Variants in RALYL observed in about 807,000 individuals in gnomAD.
The protein encoded by RALYL is RALY RNA binding protein like, also known as RNA-binding Raly-like protein.
RALYL carries 29 observed loss-of-function variants against 35.1 expected under a neutral mutation model. The ratio of observed to expected loss-of-function variants is 0.83; its 90% CI spans 0.61 to 1.13. RALYL has a LOEUF of 1.13. Ranked by LOEUF, RALYL falls within the 50% of genes most tolerant of loss-of-function variation. RALYL has a pLI of 0.00. For missense variants in RALYL, 359 were observed against 360.4 expected (o/e 1.00, Z 0.03); for synonymous variants, 120 against 127.6 (o/e 0.94, Z 0.40).
chr8:84,840,878 G>C (rs1037391483), intron 4 of RALYL, among the ~76,000 whole-genome samples: 10 of 152,124 alleles, frequency 6.6e-5, no homozygotes, highest in Admixed American at 6.5e-4. Context: ...AGCTTCATAA[G>C]TGAAGGAGAA....
intron 2 of RALYL, among the ~76,000 whole-genome samples, chr8:84,700,039 T>C (rs1839919544): frequency 6.6e-6 from 1 of 152,068 alleles, no homozygotes; most frequent in African/African-American, 2.4e-5. Context: ...GAAGATAGAA[T>C]TTCATTATCC....
chr8:84,874,651 C>T (rs566778419), intron 7 of RALYL, among the ~76,000 whole-genome samples: 1 of 152,296 alleles, frequency 6.6e-6, no homozygotes, highest in South Asian at 2.1e-4. Flanking sequence ...GTGAGCCATA[C>T]AGGGCTCAAG....
chr8:84,639,565 G>T (rs1825884767), intron 2 of RALYL, among the ~76,000 whole-genome samples: 3 of 151,928 alleles, frequency 2.0e-5, no homozygotes, highest in Admixed American at 1.3e-4. Context: ...AAGATAAGGG[G>T]TCCATTCAGT....
intron 1 of RALYL, among the ~76,000 whole-genome samples, chr8:84,399,117 T>A (rs183584131): frequency 4.9e-4 from 74 of 152,338 alleles, no homozygotes; most frequent in African/African-American, 1.7e-3. Flanking sequence ...GTAGTACTGC[T>A]TTCAGGCAAA....
chr8:84,785,103 A>G (rs1819078997), intron 3 of RALYL, among the ~76,000 whole-genome samples: 1 of 152,178 alleles, frequency 6.6e-6, no homozygotes, highest in South Asian at 2.1e-4. Context: ...CACATAGTTT[A>G]TGTAGAGTTT....
At chr8:84,220,564 A>G (rs753839867) in intron 1 of RALYL, among the ~76,000 whole-genome samples, 3 of 152,052 alleles carry the variant, frequency 2.0e-5, no homozygotes, top group Non-Finnish European at 4.4e-5. Context: ...GAAAAAACAT[A>G]ACCAATTTCC....
chr8:84,489,980 A>T (rs1220271434), intron 1 of RALYL, among the ~76,000 whole-genome samples: 1 of 152,006 alleles, frequency 6.6e-6, no homozygotes, highest in Non-Finnish European at 1.5e-5. Context: ...TTTTCTAAAG[A>T]TAAAGAATGA....
chr8:84,432,632 G>A (rs1474468703), intron 1 of RALYL, among the ~76,000 whole-genome samples: 1 of 152,056 alleles, frequency 6.6e-6, no homozygotes, highest in Admixed American at 6.6e-5. Flanking sequence ...TGGTGTCCTT[G>A]CTGATATAAT....
chr8:84,449,395 G>T (rs2049208322), intron 1 of RALYL, among the ~76,000 whole-genome samples: 1 of 152,022 alleles, frequency 6.6e-6, no homozygotes, highest in Non-Finnish European at 1.5e-5. Context: ...CTTGAGTGCT[G>T]CTTGCAAAGC....
intron 1 of RALYL, among the ~76,000 whole-genome samples, chr8:84,301,594 A>G (rs959760254): frequency 1.3e-5 from 2 of 150,750 alleles, no homozygotes; most frequent in African/African-American, 4.8e-5. Context: ...GAGAATTATG[A>G]TTGCTCTGTG....
At chr8:84,776,128 T>C (rs1229091647) in intron 3 of RALYL, among the ~76,000 whole-genome samples, 1 of 152,212 alleles carries the variant, frequency 6.6e-6, no homozygotes, top group Admixed American at 6.5e-5. Context: ...TATTTTCTGA[T>C]TTAGTATAGT....
chr8:84,411,320 G>T (rs2044080084), intron 1 of RALYL, among the ~76,000 whole-genome samples: 1 of 151,770 alleles, frequency 6.6e-6, no homozygotes, highest in East Asian at 1.9e-4. Context: ...CTCAGTTGGT[G>T]TTTTACAGTA....
chr8:84,598,537 T>A (rs1815145706), intron 2 of RALYL, among the ~76,000 whole-genome samples: 1 of 152,184 alleles, frequency 6.6e-6, no homozygotes, highest in Admixed American at 6.5e-5. Context: ...CATCAATACT[T>A]GGAAAAGGAT....
At chr8:84,416,408 C>A (rs1450185922) in intron 1 of RALYL, among the ~76,000 whole-genome samples, 4 of 152,064 alleles carry the variant, frequency 2.6e-5, no homozygotes, top group Non-Finnish European at 5.9e-5. Context: ...GTAAGGCTCT[C>A]CTGAGAAGGT....
chr8:84,722,756 C>G (rs1202939447), intron 2 of RALYL, among the ~76,000 whole-genome samples: 1 of 148,328 alleles, frequency 6.7e-6, no homozygotes, highest in African/African-American at 2.5e-5. Flanking sequence ...TAGCAATATA[C>G]TCACTTTACA....
intron 1 of RALYL, among the ~76,000 whole-genome samples, chr8:84,343,647 T>G (rs892809749): frequency 6.6e-6 from 1 of 151,970 alleles, no homozygotes; most frequent in Admixed American, 6.6e-5. Flanking sequence ...TTCATTTTTT[T>G]AAGAAAAGGT....
At chr8:84,201,093 T>C (rs1049157550) in intron 1 of RALYL, among the ~76,000 whole-genome samples, 11 of 152,180 alleles carry the variant, frequency 7.2e-5, no homozygotes, top group African/African-American at 1.9e-4. Context: ...TAGTATCTTA[T>C]TCTCTATTAA....
chr8:84,219,089 C>T lies in RALYL; in HGVS notation c.-24+34665C>T, dbSNP rs187333606. ...TACAGTGAACTAAAATAAAAAAATA[C>T]GTACAAGAAAAGTTGTGATTGTGTA... On this transcript the variant is annotated intron_variant, in intron 1 of 8. Coordinates refer to ENST00000521268, the MANE Select transcript of RALYL (RefSeq NM_173848.7). Among the ~76,000 whole-genome samples, 472 of 152,046 alleles carry T rather than the reference C, an allele frequency of 3.1e-3. 2 individuals carry two copies. The highest frequency in any genetic ancestry group is 6.8e-3 in the South Asian group (33 of 4,818).
At chr8:84,476,489 C>T (rs1564001109) in intron 1 of RALYL, among the ~76,000 whole-genome samples, 1 of 152,128 alleles carries the variant, frequency 6.6e-6, no homozygotes, top group Non-Finnish European at 1.5e-5. Context: ...TACTTCAGCT[C>T]TTACTGTTCT....
Sources: allele counts gnomAD v4.1 joint callset (sites outside exome capture counted in the v4.1 genomes callset), GRCh38; gene constraint gnomAD v4.1.1; transcripts MANE v1.5; gene names NCBI Gene and HGNC (gene_info 2026-07-23, HGNC 2026-07-21).